TMEM39A: variants seen among roughly 807,000 people sequenced by gnomAD.
TMEM39A encodes the protein suppressor of SQST-1 aggregates in rpl-43 mutants.
In TMEM39A, 19 loss-of-function variants were observed where a neutral mutation model predicts 51.9. That is an observed-to-expected ratio of 0.37 (90% CI 0.26 to 0.54). The LOEUF is 0.54. Ranked by LOEUF, TMEM39A falls within the 20% of genes least tolerant of loss-of-function variation. TMEM39A has a pLI of 0.88. For synonymous variants in TMEM39A, 197 were observed against 220.2 expected (o/e 0.89, Z 0.93); for missense variants, 433 against 590.5 (o/e 0.73, Z 2.76).
intron 5 of TMEM39A, among the ~76,000 whole-genome samples, chr3:119,443,779 T>C (rs1294717769): frequency 6.6e-6 from 1 of 151,898 alleles, no homozygotes; most frequent in Non-Finnish European, 1.5e-5. Context: ...TAGCCAGGCA[T>C]GGTGGCACAC....
chr3:119,450,026 T>C (rs995752264), intron 4 of TMEM39A, among the ~76,000 whole-genome samples: 8 of 152,244 alleles, frequency 5.3e-5, no homozygotes, highest in Non-Finnish European at 1.2e-4. Context: ...GGAAAACATA[T>C]TTTAATGGAA....
In TMEM39A at chr3:119,461,950, T is replaced by C; in HGVS notation, c.113+12A>G. On this transcript the variant is annotated intron_variant, in intron 2 of 8. Coordinates refer to ENST00000319172, the MANE Select transcript of TMEM39A (RefSeq NM_018266.3). ...GACATTAAAATTATATATAGCCTTA[T>C]TTTTTCTTTACCTGTTTCTCAAGCC... The C allele has an allele frequency of 6.2e-7, 1 of 1,605,838 alleles. No individual in the cohort carries two copies. The highest frequency in any genetic ancestry group is 2.2e-5 in the East Asian group (1 of 44,812).
rs759538658 is a variant in TMEM39A, at chr3:119,434,889, GA to G, written c.1113-8del. ...TATTGTATTTTCTGACCAACTAAGGGAGAAAGAAATGCAATGTTAGCATATT... is the reference window on the plus strand; with the variant it reads ...TATTGTATTTTCTGACCAACTAAGGGGAAAGAAATGCAATGTTAGCATATT... On this transcript the variant is annotated splice_region_variant and splice_polypyrimidine_tract_variant and intron_variant, in intron 7 of 8. Coordinates refer to ENST00000319172, the MANE Select transcript of TMEM39A (RefSeq NM_018266.3). 1 of 1,612,406 alleles carries G rather than the reference GA, an allele frequency of 6.2e-7. No homozygotes were observed. The highest frequency in any genetic ancestry group is 1.1e-5 in the South Asian group (1 of 90,918).
chr3:119,434,228 AGT>A (rs555851308), intron 8 of TMEM39A, among the ~76,000 whole-genome samples: 212 of 152,286 alleles, frequency 1.4e-3, no homozygotes, highest in African/African-American at 4.9e-3. Context: ...AATGGAATGT[AGT>A]GGGTTTCTAT....
intron 5 of TMEM39A, among the ~76,000 whole-genome samples, chr3:119,439,733 G>C (rs1204922361): frequency 6.6e-6 from 1 of 151,996 alleles, no homozygotes; most frequent in Non-Finnish European, 1.5e-5. Context: ...TGTGCCCTTG[G>C]GAGGACAAGA....
At chr3:119,446,910 T>C (rs894094196) in intron 5 of TMEM39A, 108 bp downstream of exon 5, 4 of 1,262,620 alleles carry the variant, frequency 3.2e-6, no homozygotes, top group Non-Finnish European at 4.3e-6. Context: ...TTCTAAATGC[T>C]TCATTTATAT....
chr3:119,434,109 C>T (rs1028200796), intron 8 of TMEM39A, among the ~76,000 whole-genome samples: 2 of 152,202 alleles, frequency 1.3e-5, no homozygotes, highest in Non-Finnish European at 2.9e-5. Flanking sequence ...CTTTTCCCCA[C>T]TTGCATTAGT....
At chr3:119,441,111 T>C (rs934179739) in intron 5 of TMEM39A, among the ~76,000 whole-genome samples, 2 of 152,128 alleles carry the variant, frequency 1.3e-5, no homozygotes, top group African/African-American at 2.4e-5. Flanking sequence ...CCCATCTCTC[T>C]CCCTCACGTC....
chr3:119,445,090 A>G (rs896277206), intron 5 of TMEM39A, among the ~76,000 whole-genome samples: 5 of 151,868 alleles, frequency 3.3e-5, no homozygotes, highest in Non-Finnish European at 5.9e-5. Context: ...AAAAAAAAAA[A>G]GCAACCGTCT....
At chr3:119,462,229 C>A (rs2081348088) in intron 1 of TMEM39A, 81 bp from the exon 2 acceptor site, 1 of 588,258 alleles carries the variant, frequency 1.7e-6, no homozygotes, top group Middle Eastern at 3.5e-4. Context: ...ACTGAGTAAG[C>A]AGGCCTTACA....
Position 119,431,971 on chromosome 3 carries a change from G to C in TMEM39A, c.*10C>G, listed in dbSNP as rs762343297. On this transcript the variant is annotated 3_prime_UTR_variant, in exon 9 of 9. Transcript: ENST00000319172. ...TTTATCTGAGTTCTCCCTCATTGTT[G>C]AGAGGCAGCTTAGTTTGCCTTGAGT... 6.5e-7 allele frequency: 1 copy of C among 1,541,014 alleles called. No homozygotes were observed. Among genetic ancestry groups the C allele is most frequent in the South Asian group, 1.2e-5 (1 of 80,018 alleles).
chr3:119,458,272 G>T, intron 2 of TMEM39A, 32 bp from the exon 3 acceptor site: 1 of 1,588,776 alleles, frequency 6.3e-7, no homozygotes, highest in African/African-American at 1.3e-5. Context: ...AACTCAAATG[G>T]TGATAACCTC....
chr3:119,447,281 T>A, intron 4 of TMEM39A, 109 bp from the exon 5 acceptor site: 1 of 1,162,570 alleles, frequency 8.6e-7, no homozygotes, highest in Non-Finnish European at 1.2e-6. Flanking sequence ...AATGTGTCTT[T>A]AAAAAGTGAA....
At chr3:119,456,871 G>A (rs1047234728) in intron 3 of TMEM39A, among the ~76,000 whole-genome samples, 12 of 152,106 alleles carry the variant, frequency 7.9e-5, no homozygotes, top group African/African-American at 2.9e-4. Context: ...CTCCCAAAGT[G>A]CTGGGATTAT....
chr3:119,447,157 C>T lies in TMEM39A; in HGVS notation c.436G>A (p.Ala146Thr). 4 of 1,612,068 alleles carry T rather than the reference C, an allele frequency of 2.5e-6. No homozygotes were observed. The highest frequency in any genetic ancestry group is 3.4e-6 in the Non-Finnish European group (4 of 1,179,386). Residue 146 changes from alanine to threonine, a missense_variant, in exon 5 of 9, where the codon GCA becomes ACA. Transcript: ENST00000319172. ...ALISEATKAGAASMIHYMVLI... is the reference protein window; with the variant it reads ...ALISEATKAGTASMIHYMVLI... ...ACCATGTAGTGAATCATTGATGCTG[C>T]ACCTGCCTTAGTAGCCTGAAAGTTT...
intron 3 of TMEM39A, among the ~76,000 whole-genome samples, chr3:119,455,589 G>A (rs1267256658): frequency 6.6e-6 from 1 of 152,184 alleles, no homozygotes; most frequent in African/African-American, 2.4e-5. Context: ...AGGGGGAAAG[G>A]TAGCAAAAGG....
intron 2 of TMEM39A, among the ~76,000 whole-genome samples, chr3:119,460,007 T>G (rs2081317677): frequency 6.6e-6 from 1 of 152,102 alleles, no homozygotes; most frequent in Non-Finnish European, 1.5e-5. Context: ...AACAAATTAT[T>G]CCAGCTGCTT....
Position 119,447,169 on chromosome 3 carries a change from T to A in TMEM39A, c.424A>T (p.Thr142Ser). The A allele has an allele frequency of 1.2e-6, 2 of 1,608,820 alleles. No individual in the cohort carries two copies. The highest frequency in any genetic ancestry group is 1.7e-6 in the Non-Finnish European group (2 of 1,178,408). ...ATCATTGATGCTGCACCTGCCTTAG[T>A]AGCCTGAAAGTTTGGAAGCACCAAA... is the stretch of plus-strand genomic sequence containing the variant. ...RLVWALISEA[T>S]KAGAASMIHY... The change falls in exon 5 of 9, where the codon ACT becomes TCT. Residue 142 changes from threonine to serine, a missense_variant. Coordinates refer to ENST00000319172, the MANE Select transcript of TMEM39A (RefSeq NM_018266.3).
chr3:119,452,578 T>A, intron 3 of TMEM39A, 48 bp from the exon 4 acceptor site: 1 of 1,453,572 alleles, frequency 6.9e-7, no homozygotes, highest in Non-Finnish European at 9.6e-7. Context: ...TGATGTGTAT[T>A]CAGCTGGCAC....
Sources: allele counts gnomAD v4.1 joint callset (sites outside exome capture counted in the v4.1 genomes callset), GRCh38; gene constraint gnomAD v4.1.1; transcripts MANE v1.5; gene names NCBI Gene and HGNC (gene_info 2026-07-23, HGNC 2026-07-21).